The following EVA1C variants were observed in gnomAD, a reference collection of about 807,000 sequenced individuals.
EVA1C encodes the protein eva-1 homolog C.
EVA1C carries 25 observed loss-of-function variants against 45.4 expected under a neutral mutation model. The observed-to-expected ratio is 0.55, with a 90% CI of 0.40 to 0.77. The LOEUF is 0.77. Ranked by LOEUF, EVA1C falls within the 30% of genes least tolerant of loss-of-function variation. The probability of loss-of-function intolerance (pLI) is 0.00; values close to 1 mark genes in which losing one functional copy is unlikely to be tolerated. For missense variants in EVA1C, 479 were observed against 554.8 expected (o/e 0.86, Z 1.37); for synonymous variants, 190 against 221.2 (o/e 0.86, Z 1.25).
At chr21:32,413,077 T>TG in intron 1 of EVA1C, 64 bp downstream of exon 1, 3 of 1,274,742 alleles carry the variant, frequency 2.4e-6, no homozygotes, top group Non-Finnish European at 3.0e-6. Flanking sequence ...AACCCTCGAC[T>TG]GGGGGCAGCC....
At position 32,453,409 on chromosome 21, in the gene EVA1C, A is replaced by G. The variant is rs2035658852; in HGVS notation, c.258A>G (p.Gln86=). 1.9e-6 allele frequency: 3 copies of G among 1,611,678 alleles called. No individual in the cohort carries two copies. The East Asian group carries it at 6.7e-5, about 36-fold the overall frequency. The part of the protein sequence containing the change: ...QCPRHSTISV[Q]SAFYGQDYQM... ...CTCGGCATTCTACGATAAGTGTCCA[A>G]TCGGCATTTTATGGGCAAGATTACC... Residue 86 remains glutamine, a synonymous_variant, in exon 2 of 8, where the codon CAA becomes CAG. Transcript: ENST00000300255.
In EVA1C at chr21:32,514,804, C is replaced by T. The variant is rs2038082686; in HGVS notation, c.950-10C>T. 1.3e-6 allele frequency: 2 copies of T among 1,532,274 alleles called. No homozygotes were observed. The highest frequency in any genetic ancestry group is 2.0e-5 in the Admixed American group (1 of 49,620). The allele number at this position is 1,532,274 out of a possible 1,614,324, so 94.9% of individuals were successfully genotyped here. A position where few individuals can be genotyped will look rare whatever the true frequency, so the allele number is the denominator to read the frequency against. On this transcript the variant is annotated splice_polypyrimidine_tract_variant and intron_variant, in intron 7 of 7. Coordinates refer to ENST00000300255, the MANE Select transcript of EVA1C (RefSeq NM_058187.5). ...CTCCCAGCTCCTGACATGTTCTCTT[C>T]CTCCTGCAGCCCACCCGGAGAGAGC...
rs781457444 is a variant in EVA1C, at chr21:32,474,210, G to A, written c.634+6362G>A. ...ATTGCAGGCGTGAGCCACTGAGCCC[G>A]ACCAGGATTTTATTTAAATTAAACC... On this transcript the variant is annotated intron_variant, in intron 4 of 7. Coordinates refer to ENST00000300255, the MANE Select transcript of EVA1C (RefSeq NM_058187.5). This position sits in a 1 kb window ranked among gnomAD's most constrained non-coding sequence, Gnocchi z 4.4. Among the ~76,000 whole-genome samples, 1 of 152,156 alleles carries A rather than the reference G, an allele frequency of 6.6e-6. No individual in the cohort carries two copies. The highest frequency in any genetic ancestry group is 2.1e-4 in the South Asian group (1 of 4,830).
intron 4 of EVA1C, among the ~76,000 whole-genome samples, chr21:32,493,343 T>C (rs2037229815): frequency 6.6e-6 from 1 of 152,220 alleles, no homozygotes; most frequent in Admixed American, 6.5e-5. Flanking sequence ...AGGCATTTCT[T>C]TAGGCTTCCT....
intron 3 of EVA1C, among the ~76,000 whole-genome samples, chr21:32,462,250 A>T (rs976556695): frequency 2.7e-5 from 4 of 149,910 alleles, no homozygotes; most frequent in African/African-American, 9.8e-5. Context: ...AACAATTAGC[A>T]GGGCATCATG....
intron 4 of EVA1C, among the ~76,000 whole-genome samples, chr21:32,475,532 C>T (rs1480693238): frequency 6.8e-6 from 1 of 146,612 alleles, no homozygotes; most frequent in Admixed American, 6.9e-5. Flanking sequence ...TACGTAATGG[C>T]AGTTCTAAGC....
chr21:32,493,063 G>T (rs891046393), intron 4 of EVA1C, among the ~76,000 whole-genome samples: 8 of 152,326 alleles, frequency 5.3e-5, no homozygotes, highest in South Asian at 2.1e-4. Context: ...TGGGCCAGGT[G>T]TGGGAACTAG....
chr21:32,515,123 T>C lies in EVA1C; in HGVS notation c.1259T>C (p.Ile420Thr), dbSNP rs2038097267. ...AERIERREQI[I>T]QEIWMNSGLD... ...AGGATTGAGCGCAGGGAGCAAATCATTCAGGAAATATGGATGAACAGTGGT... is the reference window on the plus strand; with the variant it reads ...AGGATTGAGCGCAGGGAGCAAATCACTCAGGAAATATGGATGAACAGTGGT... Residue 420 changes from isoleucine to threonine, a missense_variant, in exon 8 of 8, where the codon ATT becomes ACT. Ile to Thr is a moderately conservative substitution (Grantham distance 89). Coordinates refer to ENST00000300255, the MANE Select transcript of EVA1C (RefSeq NM_058187.5). The C allele has an allele frequency of 6.2e-7, 1 of 1,613,780 alleles. No homozygotes were observed. Among genetic ancestry groups the C allele is most frequent in the South Asian group, 1.1e-5 (1 of 91,048 alleles).
intron 4 of EVA1C, among the ~76,000 whole-genome samples, chr21:32,494,052 C>T (rs964845370): frequency 3.3e-5 from 5 of 152,054 alleles, no homozygotes; most frequent in African/African-American, 7.2e-5. Flanking sequence ...TGCCTGCCTC[C>T]GCCTCCCAAA....
chr21:32,418,133 C>T (rs2034124205), intron 1 of EVA1C, among the ~76,000 whole-genome samples: 2 of 152,194 alleles, frequency 1.3e-5, no homozygotes. Context: ...GCCATGCAAA[C>T]ACACGCATGC....
At chr21:32,421,246 G>GA (rs1453996656) in intron 1 of EVA1C, among the ~76,000 whole-genome samples, 1 of 152,224 alleles carries the variant, frequency 6.6e-6, no homozygotes, top group Non-Finnish European at 1.5e-5. Flanking sequence ...GGAGTTGCTT[G>GA]ATGGTCTTGA....
At chr21:32,415,977 A>G (rs2034021387) in intron 1 of EVA1C, among the ~76,000 whole-genome samples, 1 of 152,204 alleles carries the variant, frequency 6.6e-6, no homozygotes, top group Non-Finnish European at 1.5e-5. Flanking sequence ...TTCATCATTG[A>G]CTTAAAAAAC....
chr21:32,492,955 C>T (rs1285350392), intron 4 of EVA1C, among the ~76,000 whole-genome samples: 2 of 152,030 alleles, frequency 1.3e-5, no homozygotes, highest in Non-Finnish European at 2.9e-5. Context: ...CTGTCTCAGC[C>T]ACAAAATTGA....
intron 7 of EVA1C, among the ~76,000 whole-genome samples, chr21:32,513,909 C>G (rs1049253719): frequency 2.0e-5 from 3 of 152,118 alleles, no homozygotes; most frequent in Non-Finnish European, 4.4e-5. Flanking sequence ...GTTCAACCAA[C>G]CTCAGACTGA....
chr21:32,510,607 C>T (rs772032396), intron 7 of EVA1C, among the ~76,000 whole-genome samples: 1 of 152,162 alleles, frequency 6.6e-6, no homozygotes, highest in African/African-American at 2.4e-5. Flanking sequence ...CTAGAAAAGG[C>T]GGGCAAGAGA....
intron 1 of EVA1C, among the ~76,000 whole-genome samples, chr21:32,444,512 G>A (rs2035297056): frequency 6.6e-6 from 1 of 152,218 alleles, no homozygotes; most frequent in Admixed American, 6.5e-5. Context: ...GAAAGGGATG[G>A]AGGAAGCAGT....
At chr21:32,450,383 A>ATTTTTTTT (rs3056328) in intron 1 of EVA1C, among the ~76,000 whole-genome samples, 1 of 145,568 alleles carries the variant, frequency 6.9e-6, no homozygotes, top group Non-Finnish European at 1.5e-5. Context: ...GAGCCTTGTC[A>ATTTTTTTT]TTTTTTTTTT....
intron 3 of EVA1C, among the ~76,000 whole-genome samples, chr21:32,463,743 A>C (rs1353100837): frequency 6.6e-6 from 1 of 152,094 alleles, no homozygotes; most frequent in East Asian, 1.9e-4. Context: ...AACAAAACAA[A>C]AAAAAAACCT....
At chr21:32,416,207 T>C (rs2034032465) in intron 1 of EVA1C, among the ~76,000 whole-genome samples, 1 of 135,170 alleles carries the variant, frequency 7.4e-6, no homozygotes, top group African/African-American at 2.8e-5. Context: ...CTTACTGTTT[T>C]GTGTGTGTGT....
Sources: allele counts gnomAD v4.1 joint callset (sites outside exome capture counted in the v4.1 genomes callset), GRCh38; gene constraint gnomAD v4.1.1; non-coding constraint Gnocchi (gnomAD v3.1); transcripts MANE v1.5; gene names NCBI Gene and HGNC (gene_info 2026-07-23, HGNC 2026-07-21).